Variants in SYNE2 observed in about 807,000 individuals in gnomAD.
SYNE2 encodes spectrin repeat containing nuclear envelope protein 2.
In SYNE2, 431 loss-of-function variants were observed where a neutral mutation model predicts 856.3. The ratio of observed to expected loss-of-function variants is 0.50; its 90% CI spans 0.47 to 0.55. SYNE2 has a LOEUF of 0.55. SYNE2 is among the 20% of genes least tolerant of loss of function. The pLI is 0.00. For synonymous variants in SYNE2, 2,923 were observed against 2,872.3 expected, an observed-to-expected ratio of 1.02 and a Z score of -0.56; for missense variants, 8,129 against 8,023.2, an observed-to-expected ratio of 1.01 and a Z score of -0.50.
chr14:64,107,669 C>A, intron 65 of SYNE2, 62 bp downstream of exon 65: 1 of 1,315,774 alleles, frequency 7.6e-7, no homozygotes, highest in South Asian at 1.2e-5. Flanking sequence ...TAGAGATGAC[C>A]AGTGTTCTGT....
intron 88 of SYNE2, chr14:64,162,684 A>G (rs1044908965): frequency 7.9e-5 from 24 of 303,050 alleles, no homozygotes; most frequent in Non-Finnish European, 1.4e-4. Flanking sequence ...CTGTGGGTAT[A>G]GTAAATTTCA....
At chr14:64,029,807 A>G in intron 43 of SYNE2, 88 bp from the exon 44 acceptor site, 1 of 1,422,928 alleles carries the variant, frequency 7.0e-7, no homozygotes, top group Non-Finnish European at 9.7e-7. Context: ...AAACTGGTAA[A>G]CAAGTATTTA....
Position 64,113,436 on chromosome 14 carries a change from A to G in SYNE2, c.12705A>G (p.Thr4235=), listed in dbSNP as rs1595605426. 14 of 1,614,224 alleles carry G rather than the reference A, an allele frequency of 8.7e-6. No individual in the cohort carries two copies. The East Asian group carries it at 2.5e-4, about 28-fold the overall frequency. ...TGGAGAAAACTAGGCCGGAGCCCAC[A>G]GAAGTCCTGCATGCCTGCAAGACCC... The part of the protein sequence containing the change: ...PRVEKTRPEP[T]EVLHACKTQV... The change falls in exon 66 of 116, where the codon ACA becomes ACG. Residue 4235 remains threonine (T), a synonymous_variant. Coordinates refer to ENST00000555002, the MANE Select transcript of SYNE2 (RefSeq NM_182914.3).
chr14:63,954,489 T>C (rs2096214745), intron 7 of SYNE2, among the ~76,000 whole-genome samples: 1 of 152,236 alleles, frequency 6.6e-6, no homozygotes, highest in Non-Finnish European at 1.5e-5. Flanking sequence ...CATGTGATAC[T>C]GATGCTGCTG....
chr14:64,035,763 T>C (rs1476625358), intron 45 of SYNE2, among the ~76,000 whole-genome samples: 1 of 151,924 alleles, frequency 6.6e-6, no homozygotes, highest in Non-Finnish European at 1.5e-5. Context: ...AGTGCAGTCA[T>C]AGCTCACTGC....
intron 114 of SYNE2, 124 bp from the exon 115 acceptor site, chr14:64,224,875 C>G: frequency 1.1e-6 from 1 of 910,154 alleles, no homozygotes; most frequent in Admixed American, 2.0e-5. Flanking sequence ...ACTCTAGTCT[C>G]CAAAGTTTGG....
Position 64,174,961 on chromosome 14 carries a change from T to G in SYNE2, c.17253T>G (p.Phe5751Leu), listed in dbSNP as rs759379518. Residue 5751 changes from phenylalanine (F) to leucine (L), a missense_variant, in exon 95 of 116, where the codon TTT becomes TTG. Transcript: ENST00000555002. ...IHELKNKEIHFQRRRTTCALT... is the reference protein window; with the variant it reads ...IHELKNKEIHLQRRRTTCALT... The stretch of plus-strand genomic sequence containing the variant: ...TTTCTTAGAATAAAGAAATTCATTT[T>G]CAAAGGAGGCGAACTACCTGTGCCC... The G allele has an allele frequency of 5.6e-6, 9 of 1,614,050 alleles. No individual in the cohort carries two copies. The highest frequency in any genetic ancestry group is 7.6e-6 in the Non-Finnish European group (9 of 1,180,012).
chr14:64,118,956 T>C (rs2097876343), intron 66 of SYNE2, among the ~76,000 whole-genome samples: 1 of 152,048 alleles, frequency 6.6e-6, no homozygotes, highest in African/African-American at 2.4e-5. Flanking sequence ...CCAAAGTACA[T>C]GGATTTAATT....
intron 90 of SYNE2, among the ~76,000 whole-genome samples, chr14:64,166,486 TC>T (rs2098379891): frequency 6.6e-6 from 1 of 152,234 alleles, no homozygotes; most frequent in African/African-American, 2.4e-5. Flanking sequence ...AAGTTTGCTT[TC>T]TTGCAATGTC....
intron 48 of SYNE2, among the ~76,000 whole-genome samples, chr14:64,055,431 C>T (rs1277917916): frequency 8.8e-5 from 13 of 147,614 alleles, no homozygotes; most frequent in African/African-American, 2.3e-4. Context: ...TGCAGTGGCG[C>T]GATCTCGGCT....
chr14:64,049,763 T>C lies in SYNE2; in HGVS notation c.7530T>C (p.Thr2510=). 8 of 1,614,186 alleles carry C rather than the reference T, an allele frequency of 5.0e-6. No individual in the cohort carries two copies. Among genetic ancestry groups the C allele is most frequent in the Non-Finnish European group, 6.8e-6 (8 of 1,180,034 alleles). The part of the protein sequence containing the change: ...HLDNLLQALI[T]LKKNKESQYC... ...ACAATTTGCTTCAGGCACTTATTAC[T>C]TTGAAGAAAAACAAAGAAAGCCAAT... Residue 2510 remains threonine (T), a synonymous_variant, in exon 47 of 116, where the codon ACT becomes ACC. Coordinates refer to ENST00000555002, the MANE Select transcript of SYNE2 (RefSeq NM_182914.3).
intron 45 of SYNE2, among the ~76,000 whole-genome samples, chr14:64,033,701 AAAAG>A (rs1393556626): frequency 1.3e-5 from 2 of 152,170 alleles, no homozygotes; most frequent in Non-Finnish European, 2.9e-5. Context: ...AAAAGAAAAA[AAAAG>A]GTTTAAAAAA....
chr14:64,090,777 A>T, intron 59 of SYNE2, 89 bp from the exon 60 acceptor site: 1 of 1,193,190 alleles, frequency 8.4e-7, no homozygotes, highest in South Asian at 1.4e-5. Flanking sequence ...AACTATAAAA[A>T]CTATACTGTA....
intron 69 of SYNE2, 74 bp from the exon 70 acceptor site, chr14:64,122,212 C>G (rs931154838): frequency 1.9e-6 from 3 of 1,613,792 alleles, no homozygotes; most frequent in Non-Finnish European, 2.5e-6. Flanking sequence ...TTAAAAATTG[C>G]TCATAGAACT....
intron 1 of SYNE2, among the ~76,000 whole-genome samples, chr14:63,797,728 C>T (rs979155969): frequency 2.4e-4 from 36 of 152,226 alleles, no homozygotes; most frequent in African/African-American, 8.0e-4. Context: ...AGGTGTGAGC[C>T]ACCACGCCCA....
At chr14:64,020,589 G>A (rs1401651452) in intron 35 of SYNE2, among the ~76,000 whole-genome samples, 1 of 152,048 alleles carries the variant, frequency 6.6e-6, no homozygotes, top group Non-Finnish European at 1.5e-5. Context: ...TATTTCACAG[G>A]CCTCACTCAG....
chr14:64,184,388 A>G (rs2098478451), intron 96 of SYNE2, among the ~76,000 whole-genome samples: 2 of 151,106 alleles, frequency 1.3e-5, no homozygotes, highest in Non-Finnish European at 2.9e-5. Context: ...GGTGAGTGTT[A>G]GAGGGGAAAA....
intron 1 of SYNE2, among the ~76,000 whole-genome samples, chr14:63,791,758 A>G (rs12883973): frequency 0.63 from 95,954 of 151,830 alleles, 30,792 homozygotes; most frequent in South Asian, 0.75. Context: ...CCTGGCTAAC[A>G]TGGTGAAACA....
At chr14:63,799,677 A>G (rs1182704360) in intron 1 of SYNE2, among the ~76,000 whole-genome samples, 1 of 152,202 alleles carries the variant, frequency 6.6e-6, no homozygotes, top group African/African-American at 2.4e-5. Context: ...TGGGCGACAG[A>G]GAGAGACTCT....
Sources: allele counts gnomAD v4.1 joint callset (sites outside exome capture counted in the v4.1 genomes callset), GRCh38; gene constraint gnomAD v4.1.1; transcripts MANE v1.5; gene names NCBI Gene and HGNC (gene_info 2026-07-23, HGNC 2026-07-21).